Variants in STXBP4 observed in about 807,000 individuals in gnomAD.
STXBP4 encodes syntaxin binding protein 4, also known as syntaxin-binding protein 4.
Under a neutral mutation model 76.1 loss-of-function variants are expected in STXBP4, and 55 were observed. The observed-to-expected ratio is 0.72, with a 90% CI of 0.58 to 0.91. The LOEUF (loss-of-function observed/expected upper bound fraction) is 0.91, where lower values mean the gene tolerates loss of function less well. Among genes scored for constraint, STXBP4 ranks in the 40% least tolerant of loss-of-function variants. The probability of loss-of-function intolerance (pLI) is 0.00; values close to 1 mark genes in which losing one functional copy is unlikely to be tolerated. For missense variants in STXBP4, 618 were observed against 636.9 expected (o/e 0.97, Z 0.32); for synonymous variants, 201 against 220.2 (o/e 0.91, Z 0.77).
At chr17:55,173,880 GGTTCA>G (rs1353818066), downstream of STXBP4, among the ~76,000 whole-genome samples, 1 of 152,142 alleles carries the variant, frequency 6.6e-6, no homozygotes, top group African/African-American at 2.4e-5. Context: ...AATCCATTTA[GGTTCA>G]GTTCCTTGAG....
intron 12 of STXBP4, among the ~76,000 whole-genome samples, chr17:55,060,612 A>G (rs2078984022): frequency 6.6e-6 from 1 of 152,160 alleles, no homozygotes; most frequent in Non-Finnish European, 1.5e-5. Flanking sequence ...TTATTCAATC[A>G]AGGATAGCTA....
At chr17:55,128,326 G>A (rs1279577267) in intron 16 of STXBP4, among the ~76,000 whole-genome samples, 1 of 150,502 alleles carries the variant, frequency 6.6e-6, no homozygotes, top group Admixed American at 6.6e-5. Flanking sequence ...AGGAGGGAGA[G>A]GCACTGCTGA....
chr17:55,124,061 A>G (rs989551835), intron 16 of STXBP4, among the ~76,000 whole-genome samples: 2 of 152,198 alleles, frequency 1.3e-5, no homozygotes, highest in African/African-American at 4.8e-5. Context: ...AGCCTAAGAT[A>G]TGACAAGAAG....
At chr17:55,018,299 A>C (rs1206811464) in intron 8 of STXBP4, among the ~76,000 whole-genome samples, 1 of 152,212 alleles carries the variant, frequency 6.6e-6, no homozygotes, top group Non-Finnish European at 1.5e-5. Flanking sequence ...CTGGATCAGG[A>C]GCACAGCGGA....
At chr17:54,976,457 G>A (rs975775958) in intron 1 of STXBP4, among the ~76,000 whole-genome samples, 5 of 152,140 alleles carry the variant, frequency 3.3e-5, no homozygotes, top group African/African-American at 4.8e-5. Flanking sequence ...CAACCATCAG[G>A]CCTCCCAGAT....
the STXBP4 span, among the ~76,000 whole-genome samples, chr17:55,194,639 C>T: frequency 6.6e-6 from 1 of 152,206 alleles, no homozygotes; most frequent in African/African-American, 2.4e-5. Context: ...ATTTACTTTA[C>T]TGATGCAGAC....
chr17:55,125,757 G>T (rs977954850), intron 16 of STXBP4, among the ~76,000 whole-genome samples: 1 of 152,110 alleles, frequency 6.6e-6, no homozygotes, highest in African/African-American at 2.4e-5. Flanking sequence ...TTTGTATGTA[G>T]ACACTACTTG....
chr17:55,090,109 T>C (rs2079391115), intron 16 of STXBP4, among the ~76,000 whole-genome samples: 1 of 151,988 alleles, frequency 6.6e-6, no homozygotes, highest in Non-Finnish European at 1.5e-5. Flanking sequence ...ATGTTCTGAT[T>C]TGAAGGAGTA....
intron 12 of STXBP4, among the ~76,000 whole-genome samples, chr17:55,071,729 C>T (rs993383395): frequency 6.6e-6 from 1 of 151,992 alleles, no homozygotes; most frequent in East Asian, 1.9e-4. Context: ...AAAAACTGAC[C>T]CTTAAGAATA....
chr17:55,152,361 G>A (rs1222063864), intron 17 of STXBP4, among the ~76,000 whole-genome samples: 1 of 152,148 alleles, frequency 6.6e-6, no homozygotes, highest in Non-Finnish European at 1.5e-5. Flanking sequence ...CTGGCACAAA[G>A]CCTCTGACTC....
chr17:55,036,074 G>A (rs1037532703), intron 10 of STXBP4, among the ~76,000 whole-genome samples: 1 of 151,902 alleles, frequency 6.6e-6, no homozygotes, highest in African/African-American at 2.4e-5. Flanking sequence ...GTTATTAACT[G>A]TAGTCGCCAT....
intron 15 of STXBP4, among the ~76,000 whole-genome samples, chr17:55,079,612 A>G (rs1598293215): frequency 6.6e-6 from 1 of 151,922 alleles, no homozygotes; most frequent in Non-Finnish European, 1.5e-5. Flanking sequence ...AAAAAAAAAA[A>G]AAAGAAATAG....
the STXBP4 span, among the ~76,000 whole-genome samples, chr17:55,188,832 T>G: frequency 6.6e-6 from 1 of 152,236 alleles, no homozygotes; most frequent in Non-Finnish European, 1.5e-5. Context: ...AAATTTCTTT[T>G]TGTCATTAAA....
the STXBP4 span, among the ~76,000 whole-genome samples, chr17:55,189,217 T>C: frequency 6.6e-6 from 1 of 152,126 alleles, no homozygotes; most frequent in East Asian, 1.9e-4. Flanking sequence ...AAAACATTAA[T>C]AGATTAAATG....
chr17:55,022,874 G>T (rs2078339883), intron 8 of STXBP4, among the ~76,000 whole-genome samples: 1 of 152,108 alleles, frequency 6.6e-6, no homozygotes, highest in Non-Finnish European at 1.5e-5. Context: ...TTCTTTATAG[G>T]CCAAGGTGAG....
chr17:55,141,877 AC>A (rs1320295285), intron 17 of STXBP4, among the ~76,000 whole-genome samples: 2 of 152,214 alleles, frequency 1.3e-5, no homozygotes, highest in African/African-American at 2.4e-5. Flanking sequence ...CATAGAATTT[AC>A]ATAATAGAGA....
the STXBP4 span, among the ~76,000 whole-genome samples, chr17:55,203,050 G>A: frequency 6.6e-6 from 1 of 152,108 alleles, no homozygotes; most frequent in African/African-American, 2.4e-5. Context: ...GCAGGAAGGA[G>A]CTCATCTGCT....
At chr17:54,971,705 G>A (rs886708499) in intron 1 of STXBP4, among the ~76,000 whole-genome samples, 7 of 152,088 alleles carry the variant, frequency 4.6e-5, no homozygotes, top group African/African-American at 1.4e-4. Flanking sequence ...AGGATTACTC[G>A]TTGATTTTAG....
the STXBP4 span, among the ~76,000 whole-genome samples, chr17:55,182,253 C>T: frequency 1.6e-4 from 24 of 151,928 alleles, no homozygotes; most frequent in South Asian, 2.1e-4. Context: ...AGACGAAATT[C>T]GAGATTTTGG....
Sources: allele counts gnomAD v4.1 joint callset (sites outside exome capture counted in the v4.1 genomes callset), GRCh38; gene constraint gnomAD v4.1.1; transcripts MANE v1.5; gene names NCBI Gene and HGNC (gene_info 2026-07-23, HGNC 2026-07-21).